Variants in FEZ2 observed in about 807,000 individuals in gnomAD.
FEZ2 encodes the protein fasciculation and elongation protein zeta 2, also known as fasciculation and elongation protein zeta-2.
FEZ2 carries 51 observed loss-of-function variants against 40.4 expected under a neutral mutation model. The ratio of observed to expected loss-of-function variants is 1.26; its 90% confidence interval spans 1.01 to 1.59. The LOEUF (loss-of-function observed/expected upper bound fraction) is 1.59, where lower values mean the gene tolerates loss of function less well. FEZ2 is among the 40% of genes most tolerant of loss of function. FEZ2 has a pLI of 0.00. For missense variants in FEZ2, 640 were observed against 438.3 expected (o/e 1.46, Z -4.11); for synonymous variants, 242 against 172.0 (o/e 1.41, Z -3.18).
intron 2 of FEZ2, chr2:36,589,994 C>T (rs1171526271): frequency 6.6e-6 from 1 of 150,940 alleles, no homozygotes; most frequent in Non-Finnish European, 1.5e-5. Flanking sequence ...GGATATGTTT[C>T]TCATCAGATT....
At chr2:36,568,220 G>A (rs1434313150) in intron 5 of FEZ2, among the ~76,000 whole-genome samples, 1 of 151,868 alleles carries the variant, frequency 6.6e-6, no homozygotes, top group Non-Finnish European at 1.5e-5. Flanking sequence ...GGAAGGGAGG[G>A]AAGCATTTCT....
chr2:36,553,650 AAG>A (rs1667880426), intron 7 of FEZ2, among the ~76,000 whole-genome samples: 2 of 152,164 alleles, frequency 1.3e-5, no homozygotes, highest in Admixed American at 1.3e-4. Context: ...AGGTGCGAGA[AAG>A]AGAAGCTCAA....
Position 36,590,916 on chromosome 2 carries a change from A to C in FEZ2, c.362T>G (p.Leu121Arg). ...TRTLHLLTLN[L>R]SEKGVSDSLL... ...TTCCTAACTTACCCCTTTTTCTGAG[A>C]GGTTCAGAGTAAGCAAGTGCAAGGT... The change falls in exon 2 of 8, where the codon CTC becomes CGC. Residue 121 changes from leucine to arginine, a missense_variant. By Grantham distance (102) the Leu-to-Arg change is moderately radical. Coordinates refer to ENST00000405912, the MANE Select transcript of FEZ2 (RefSeq NM_005102.3). The C allele has an allele frequency of 1.3e-6, 2 of 1,594,764 alleles. No individual in the cohort carries two copies. The highest frequency in any genetic ancestry group is 1.7e-6 in the Non-Finnish European group (2 of 1,162,660).
At chr2:36,569,225 A>G (rs566487828) in intron 5 of FEZ2, among the ~76,000 whole-genome samples, 1 of 152,352 alleles carries the variant, frequency 6.6e-6, no homozygotes, top group South Asian at 2.1e-4. Context: ...TCAATATTCA[A>G]AAAAGTATTG....
intron 4 of FEZ2, among the ~76,000 whole-genome samples, chr2:36,580,211 G>C (rs1668691746): frequency 6.6e-6 from 1 of 152,212 alleles, no homozygotes; most frequent in Admixed American, 6.5e-5. Flanking sequence ...CAGGTATCAG[G>C]ACTGTATTTG....
At chr2:36,562,632 G>A (rs1266315705) in intron 5 of FEZ2, among the ~76,000 whole-genome samples, 3 of 152,170 alleles carry the variant, frequency 2.0e-5, no homozygotes, top group South Asian at 4.1e-4. Context: ...TAGCTTTGAT[G>A]GAGGAGGCTA....
At chr2:36,564,824 G>A (rs1020420000) in intron 5 of FEZ2, among the ~76,000 whole-genome samples, 3 of 152,196 alleles carry the variant, frequency 2.0e-5, no homozygotes, top group African/African-American at 7.2e-5. Flanking sequence ...CATTCAATGG[G>A]ATGGAACACA....
rs1244443425 is a variant in FEZ2 at position 36,591,000 on chromosome 2, G to A, written c.278C>T (p.Ala93Val). Residue 93 changes from alanine (A) to valine (V), a missense_variant, in exon 2 of 8, where the codon GCC (alanine) becomes GTC (valine). Transcript: ENST00000405912. The part of the protein sequence containing the change: ...SLLQGDEIWN[A>V]LTDNYGNVMP... ...CACATTCCCATAATTATCTGTCAGG[G>A]CATTCCAAATCCTTAAAAAGAAGAA... The A allele has an allele frequency of 1.2e-6, 2 of 1,600,400 alleles. No individual in the cohort carries two copies. Among genetic ancestry groups the A allele is most frequent in the South Asian group, 1.1e-5 (1 of 90,782 alleles).
intron 5 of FEZ2, among the ~76,000 whole-genome samples, chr2:36,563,552 T>TA (rs1668150136): frequency 6.6e-6 from 1 of 150,516 alleles, no homozygotes; most frequent in African/African-American, 2.4e-5. Flanking sequence ...AATCTACGTC[T>TA]GAGAACGTGC....
At chr2:36,564,533 C>G (rs768945770) in intron 5 of FEZ2, among the ~76,000 whole-genome samples, 8 of 152,158 alleles carry the variant, frequency 5.3e-5, no homozygotes, top group Admixed American at 3.9e-4. Context: ...AAAAGCACAA[C>G]ACGTAAATGA....
At chr2:36,553,214 A>G (rs369003554) in intron 7 of FEZ2, 35 bp from the exon 8 acceptor site, 27 of 1,426,162 alleles carry the variant, frequency 1.9e-5, no homozygotes, top group African/African-American at 1.6e-4. Flanking sequence ...CTACAAATGT[A>G]TATTTTGTAT....
chr2:36,583,701 T>C (rs1668822702), intron 2 of FEZ2, among the ~76,000 whole-genome samples: 1 of 152,144 alleles, frequency 6.6e-6, no homozygotes, highest in African/African-American at 2.4e-5. Flanking sequence ...AAGACTGCTA[T>C]AAAAGCTGAC....
intron 1 of FEZ2, among the ~76,000 whole-genome samples, chr2:36,592,460 A>G (rs1573033562): frequency 6.6e-6 from 1 of 152,166 alleles, no homozygotes; most frequent in East Asian, 1.9e-4. Context: ...AAAAGAAGCA[A>G]TAGGACTGCA....
At chr2:36,593,164 T>A (rs1031751011) in intron 1 of FEZ2, among the ~76,000 whole-genome samples, 3 of 152,148 alleles carry the variant, frequency 2.0e-5, no homozygotes, top group African/African-American at 7.2e-5. Context: ...TTAATTGGAC[T>A]TACAGTTCCA....
At chr2:36,580,868 T>C (rs979814608) in intron 4 of FEZ2, among the ~76,000 whole-genome samples, 2 of 152,144 alleles carry the variant, frequency 1.3e-5, no homozygotes, top group South Asian at 2.1e-4. Flanking sequence ...AGAGGAAATT[T>C]GGGGCCAGGC....
chr2:36,586,670 A>G (rs1668907642), intron 2 of FEZ2, among the ~76,000 whole-genome samples: 1 of 150,802 alleles, frequency 6.6e-6, no homozygotes, highest in Non-Finnish European at 1.5e-5. Context: ...CCAGGTTGCC[A>G]TGGCTCACAC....
chr2:36,563,295 C>A (rs1359373365), intron 5 of FEZ2, among the ~76,000 whole-genome samples: 1 of 152,102 alleles, frequency 6.6e-6, no homozygotes, highest in African/African-American at 2.4e-5. Context: ...ACAAAACTAA[C>A]AGCTGATGCC....
chr2:36,565,464 C>T (rs1204372721), intron 5 of FEZ2, among the ~76,000 whole-genome samples: 1 of 152,152 alleles, frequency 6.6e-6, no homozygotes, highest in Non-Finnish European at 1.5e-5. Flanking sequence ...TTCTTGCCCC[C>T]TCACCTTCTA....
In FEZ2 at chr2:36,580,623, G is replaced by A. The variant is rs554235673; in HGVS notation, c.634+667C>T. Among the ~76,000 whole-genome samples the A allele has an allele frequency of 6.6e-5, 10 of 152,246 alleles. No individual in the cohort carries two copies. In the South Asian group the frequency reaches 1.9e-3, roughly 28 times the overall value. On this transcript the variant is annotated intron_variant, in intron 4 of 7. Coordinates refer to ENST00000405912, the MANE Select transcript of FEZ2 (RefSeq NM_005102.3). ...CAAAATTCTTCATAGTAACACACAAGACTATTTGTACAAACAGGAATTGCA... is the reference window on the plus strand; with the variant it reads ...CAAAATTCTTCATAGTAACACACAAAACTATTTGTACAAACAGGAATTGCA...
Sources: allele counts gnomAD v4.1 joint callset (sites outside exome capture counted in the v4.1 genomes callset), GRCh38; gene constraint gnomAD v4.1.1; transcripts MANE v1.5; gene names NCBI Gene and HGNC (gene_info 2026-07-23, HGNC 2026-07-21).